The following BLNK variants were observed in gnomAD, a reference collection of about 807,000 sequenced individuals.
The protein encoded by BLNK is B cell linker.
In BLNK, 29 loss-of-function variants were observed where a neutral mutation model predicts 73.5. The ratio of observed to expected loss-of-function variants is 0.39; its 90% CI spans 0.29 to 0.54. BLNK has a LOEUF of 0.54. Among genes scored for constraint, BLNK ranks in the 20% least tolerant of loss-of-function variants. The pLI is 0.61. For synonymous variants in BLNK, 176 were observed against 200.8 expected (o/e 0.88, Z 1.04); for missense variants, 460 against 562.8 (o/e 0.82, Z 1.85).
chr10:96,261,112 T>C (rs1308412765), intron 1 of BLNK, among the ~76,000 whole-genome samples: 1 of 152,182 alleles, frequency 6.6e-6, no homozygotes, highest in African/African-American at 2.4e-5. Context: ...CCCAAAGTAC[T>C]GGGATTACAG....
chr10:96,230,238 C>T (rs1246319778), intron 4 of BLNK, among the ~76,000 whole-genome samples: 5 of 152,210 alleles, frequency 3.3e-5, no homozygotes, highest in African/African-American at 9.6e-5. Context: ...CGGAGCTCTG[C>T]TAATGTTCTC....
intron 8 of BLNK, among the ~76,000 whole-genome samples, chr10:96,212,064 C>T (rs139665617): frequency 6.6e-6 from 1 of 152,302 alleles, no homozygotes; most frequent in African/African-American, 2.4e-5. Context: ...GCTTCCTTTT[C>T]TTGCATATCT....
In BLNK at chr10:96,189,360, C is replaced by A; in HGVS notation, c.*2613G>T. 1 of 563,554 alleles carries A rather than the reference C, an allele frequency of 1.8e-6. No individual in the cohort carries two copies. Among genetic ancestry groups the A allele is most frequent in the South Asian group, 1.4e-5 (1 of 69,008 alleles). 34.9% of individuals were successfully genotyped at this position (563,554 alleles called of 1,614,324 possible). On this transcript the variant is annotated 3_prime_UTR_variant, in exon 17 of 17. Coordinates refer to ENST00000224337, the MANE Select transcript of BLNK (RefSeq NM_013314.4). ...GTTAACAAATTGTTTAAACTATTTTCTAAAGAGACTTCCTCCACTGCCAGG... is the reference window on the plus strand; with the variant it reads ...GTTAACAAATTGTTTAAACTATTTTATAAAGAGACTTCCTCCACTGCCAGG...
At position 96,222,247 on chromosome 10, in the gene BLNK, C is replaced by G. The variant is rs587596638; in HGVS notation, c.525+1579G>C. ...CAAAGCAGGAATTTGGGCCTAGATG[C>G]TGCATCTATTTTTATTTAAAAGTCC... On this transcript the variant is annotated intron_variant, in intron 6 of 16. Coordinates refer to ENST00000224337, the MANE Select transcript of BLNK (RefSeq NM_013314.4). Among the ~76,000 whole-genome samples the G allele has an allele frequency of 3.3e-5, 5 of 152,332 alleles. No homozygotes were observed. The East Asian group carries it at 9.6e-4, about 29-fold the overall frequency.
chr10:96,257,150 T>G (rs10882765), intron 1 of BLNK, among the ~76,000 whole-genome samples: 120,948 of 151,986 alleles, frequency 0.8, 49,657 homozygotes, highest in Middle Eastern at 0.91. Context: ...GCTGAGAGTG[T>G]CAGGAAAGTA....
intron 8 of BLNK, among the ~76,000 whole-genome samples, chr10:96,211,231 T>C (rs1554898658): frequency 6.6e-6 from 1 of 152,312 alleles, no homozygotes; most frequent in Admixed American, 6.5e-5. Flanking sequence ...CCTCAGTCTG[T>C]ACTTTCTTAG....
At chr10:96,255,278 G>T (rs1843462040) in intron 1 of BLNK, among the ~76,000 whole-genome samples, 1 of 152,186 alleles carries the variant, frequency 6.6e-6, no homozygotes, top group Non-Finnish European at 1.5e-5. Flanking sequence ...AGATATTTCG[G>T]CCAGATCACC....
At chr10:96,259,971 A>C (rs1412746637) in intron 1 of BLNK, among the ~76,000 whole-genome samples, 1 of 152,018 alleles carries the variant, frequency 6.6e-6, no homozygotes, top group Non-Finnish European at 1.5e-5. Context: ...AAGTTTTGTC[A>C]CTTGATTTGA....
intron 3 of BLNK, among the ~76,000 whole-genome samples, chr10:96,241,168 C>A (rs1239817400): frequency 6.6e-6 from 1 of 152,190 alleles, no homozygotes; most frequent in Admixed American, 6.5e-5. Flanking sequence ...GGAGGAACTG[C>A]ACTATCTGAC....
intron 5 of BLNK, among the ~76,000 whole-genome samples, chr10:96,224,591 C>G (rs1026774830): frequency 6.6e-6 from 1 of 152,226 alleles, no homozygotes; most frequent in African/African-American, 2.4e-5. Flanking sequence ...CTAAGGCCAA[C>G]TGGATCTGAG....
chr10:96,199,980 A>G, intron 15 of BLNK, 95 bp downstream of exon 15: 1 of 858,016 alleles, frequency 1.2e-6, no homozygotes, highest in South Asian at 3.2e-5. Context: ...GTGAGCTGAG[A>G]TCGAGCCACT....
chr10:96,203,377 T>C (rs2083702745), intron 13 of BLNK, among the ~76,000 whole-genome samples: 1 of 152,166 alleles, frequency 6.6e-6, no homozygotes, highest in South Asian at 2.1e-4. Flanking sequence ...GTAAAAAAAA[T>C]GCATAAAAAT....
chr10:96,263,421 G>A (rs782758563), intron 1 of BLNK, among the ~76,000 whole-genome samples: 2 of 152,222 alleles, frequency 1.3e-5, no homozygotes, highest in Non-Finnish European at 2.9e-5. Context: ...AGAGAAGTGT[G>A]GCTCAGCAAA....
At chr10:96,263,945 A>G (rs1843875814) in intron 1 of BLNK, among the ~76,000 whole-genome samples, 1 of 152,152 alleles carries the variant, frequency 6.6e-6, no homozygotes, top group Admixed American at 6.5e-5. Context: ...AGCCAGCATC[A>G]CACTTCAGGG....
At chr10:96,230,031 G>A (rs145730120) in intron 4 of BLNK, among the ~76,000 whole-genome samples, 2 of 152,232 alleles carry the variant, frequency 1.3e-5, no homozygotes, top group Non-Finnish European at 2.9e-5. Context: ...AAGGCTTCTT[G>A]GATCCCTTCC....
At chr10:96,262,543 C>T (rs140326923) in intron 1 of BLNK, among the ~76,000 whole-genome samples, 1 of 152,310 alleles carries the variant, frequency 6.6e-6, no homozygotes, top group African/African-American at 2.4e-5. Context: ...TCCACATCTG[C>T]CTGATTCTTT....
At chr10:96,221,871 G>A (rs1254656710) in intron 6 of BLNK, among the ~76,000 whole-genome samples, 1 of 152,158 alleles carries the variant, frequency 6.6e-6, no homozygotes, top group Non-Finnish European at 1.5e-5. Flanking sequence ...TGTGCAGGGT[G>A]AGGGTGTGTA....
At chr10:96,208,759 A>G (rs934168645) in intron 9 of BLNK, among the ~76,000 whole-genome samples, 7 of 152,166 alleles carry the variant, frequency 4.6e-5, no homozygotes, top group Non-Finnish European at 1.0e-4. Flanking sequence ...AGCACCTGTA[A>G]GATGCCTGGC....
At chr10:96,240,430 T>A (rs187712979) in intron 3 of BLNK, among the ~76,000 whole-genome samples, 470 of 152,334 alleles carry the variant, frequency 3.1e-3, no homozygotes, top group Non-Finnish European at 4.3e-3. Flanking sequence ...TAATATTTTT[T>A]TCTTATATTT....
Sources: allele counts gnomAD v4.1 joint callset (sites outside exome capture counted in the v4.1 genomes callset), GRCh38; gene constraint gnomAD v4.1.1; transcripts MANE v1.5; gene names NCBI Gene and HGNC (gene_info 2026-07-23, HGNC 2026-07-21).